The following CCDC85A variants were observed in gnomAD, a reference collection of about 807,000 sequenced individuals.
CCDC85A encodes coiled-coil domain-containing protein 85A.
Under a neutral mutation model 50.2 loss-of-function variants are expected in CCDC85A, and 38 were observed. The ratio of observed to expected loss-of-function variants is 0.76; its 90% CI spans 0.58 to 0.99. The LOEUF is 0.99. Ranked by LOEUF, CCDC85A falls within the 50% of genes least tolerant of loss-of-function variation. CCDC85A has a pLI of 0.00. For missense variants in CCDC85A, 820 were observed against 742.0 expected, an observed-to-expected ratio of 1.11 and a Z score of -1.22; for synonymous variants, 366 against 301.4, an observed-to-expected ratio of 1.21 and a Z score of -2.22.
intron 3 of CCDC85A, among the ~76,000 whole-genome samples, chr2:56,367,002 G>A (rs1230666856): frequency 6.6e-6 from 1 of 151,976 alleles, no homozygotes; most frequent in African/African-American, 2.4e-5. Context: ...CTATTTGCTG[G>A]CAATTTTATT....
At chr2:56,219,799 G>C (rs1341992007) in intron 2 of CCDC85A, among the ~76,000 whole-genome samples, 2 of 151,834 alleles carry the variant, frequency 1.3e-5, no homozygotes, top group African/African-American at 4.8e-5. Flanking sequence ...TTTATAATAT[G>C]GTTTTCCATT....
chr2:56,342,343 G>A (rs1191268744), intron 2 of CCDC85A, among the ~76,000 whole-genome samples: 2 of 152,102 alleles, frequency 1.3e-5, no homozygotes, highest in African/African-American at 2.4e-5. Context: ...ATTTTTAAAA[G>A]TCTTCCTCTG....
intron 2 of CCDC85A, among the ~76,000 whole-genome samples, chr2:56,219,330 C>A (rs1216376840): frequency 2.7e-5 from 4 of 150,446 alleles, no homozygotes; most frequent in African/African-American, 7.3e-5. Flanking sequence ...GAAATAAATG[C>A]CAACTTAGAG....
chr2:56,353,994 A>G (rs1307057033), intron 3 of CCDC85A, among the ~76,000 whole-genome samples: 3 of 152,192 alleles, frequency 2.0e-5, no homozygotes, highest in Non-Finnish European at 4.4e-5. Context: ...TTCATGAACT[A>G]ATGTGAAAAT....
chr2:56,281,288 T>G (rs1671196184), intron 2 of CCDC85A, among the ~76,000 whole-genome samples: 1 of 152,206 alleles, frequency 6.6e-6, no homozygotes, highest in Non-Finnish European at 1.5e-5. Context: ...TTAAAAAATA[T>G]TTTTTCTATT....
chr2:56,204,459 A>G (rs6756156), intron 2 of CCDC85A, among the ~76,000 whole-genome samples: 125,780 of 152,160 alleles, frequency 0.83, 52,073 homozygotes, highest in Admixed American at 0.85. Context: ...GATAAACATA[A>G]AAGCCACAGT....
At chr2:56,376,451 T>C (rs981741418) in intron 5 of CCDC85A, among the ~76,000 whole-genome samples, 1 of 152,172 alleles carries the variant, frequency 6.6e-6, no homozygotes, top group Non-Finnish European at 1.5e-5. Flanking sequence ...TGCCCCGTTA[T>C]AGAATAATAG....
At chr2:56,239,850 A>C (rs977002177) in intron 2 of CCDC85A, among the ~76,000 whole-genome samples, 2 of 152,098 alleles carry the variant, frequency 1.3e-5, no homozygotes, top group African/African-American at 4.8e-5. Flanking sequence ...TCATAGTTTT[A>C]GGGCTCATTA....
intron 3 of CCDC85A, among the ~76,000 whole-genome samples, chr2:56,345,294 A>G (rs931587286): frequency 2.6e-5 from 4 of 152,224 alleles, no homozygotes; most frequent in African/African-American, 4.8e-5. Flanking sequence ...GATATGTAGC[A>G]TTACAAAAGA....
At chr2:56,322,223 A>G (rs867411767) in intron 2 of CCDC85A, among the ~76,000 whole-genome samples, 3 of 152,370 alleles carry the variant, frequency 2.0e-5, no homozygotes, top group South Asian at 4.1e-4. Context: ...CATTCAGGCC[A>G]TAGGCATGGG....
At chr2:56,367,292 T>A (rs987530209) in intron 3 of CCDC85A, among the ~76,000 whole-genome samples, 1 of 152,186 alleles carries the variant, frequency 6.6e-6, no homozygotes, top group Non-Finnish European at 1.5e-5. Flanking sequence ...ATTCTGTTTC[T>A]TTTATTGGAG....
chr2:56,288,298 C>CT (rs11299844), intron 2 of CCDC85A, among the ~76,000 whole-genome samples: 148 of 143,038 alleles, frequency 1.0e-3, no homozygotes, highest in Admixed American at 1.5e-3. Context: ...TCCTTTGGTT[C>CT]TTTTTTTTTT....
intron 3 of CCDC85A, among the ~76,000 whole-genome samples, chr2:56,365,889 C>A (rs561029571): frequency 2.0e-5 from 3 of 152,190 alleles, no homozygotes; most frequent in African/African-American, 7.2e-5. Context: ...ATTTTGTATC[C>A]TTTGACAGAC....
chr2:56,214,797 A>G (rs951840076), intron 2 of CCDC85A, among the ~76,000 whole-genome samples: 10 of 151,936 alleles, frequency 6.6e-5, no homozygotes, highest in Admixed American at 2.0e-4. Context: ...GTAATTACAG[A>G]AATTGGGTTG....
chr2:56,300,447 T>C (rs189571928), intron 2 of CCDC85A, among the ~76,000 whole-genome samples: 6 of 152,212 alleles, frequency 3.9e-5, no homozygotes, highest in Non-Finnish European at 7.3e-5. Context: ...GACAATCCTC[T>C]CTCCACTTCT....
intron 2 of CCDC85A, among the ~76,000 whole-genome samples, chr2:56,280,350 G>A (rs1417944006): frequency 6.6e-6 from 1 of 152,044 alleles, no homozygotes; most frequent in Non-Finnish European, 1.5e-5. Flanking sequence ...ATTTAAAGAC[G>A]TCTCAAGTTC....
intron 2 of CCDC85A, among the ~76,000 whole-genome samples, chr2:56,257,738 G>A (rs756909390): frequency 3.9e-5 from 6 of 152,134 alleles, no homozygotes; most frequent in Non-Finnish European, 8.8e-5. Context: ...GATACTGAAG[G>A]CAGGGAGATG....
intron 2 of CCDC85A, among the ~76,000 whole-genome samples, chr2:56,265,285 A>G (rs1296888939): frequency 6.6e-6 from 1 of 152,222 alleles, no homozygotes; most frequent in African/African-American, 2.4e-5. Context: ...TAACTAGAGT[A>G]ATCTCTTCTA....
intron 2 of CCDC85A, among the ~76,000 whole-genome samples, chr2:56,295,991 T>C (rs759754079): frequency 1.3e-5 from 2 of 152,126 alleles, no homozygotes; most frequent in African/African-American, 2.4e-5. Context: ...TTCTTACATA[T>C]GCGATAAAGA....
Sources: gnomAD v4.1 joint callset for allele counts (sites outside exome capture counted in the v4.1 genomes callset) on GRCh38, gnomAD v4.1.1 for gene constraint, MANE v1.5 for transcripts, NCBI Gene and HGNC (gene_info 2026-07-23, HGNC 2026-07-21) for gene names.